The following DRAXIN variants were observed in gnomAD, a reference collection of about 807,000 sequenced individuals.
DRAXIN encodes dorsal inhibitory axon guidance protein.
In DRAXIN, 27 loss-of-function variants were observed where a neutral mutation model predicts 33.9. The ratio of observed to expected loss-of-function variants is 0.80; its 90% CI spans 0.59 to 1.10. The LOEUF (loss-of-function observed/expected upper bound fraction) is 1.10. Among genes scored for constraint, DRAXIN ranks in the 50% least tolerant of loss-of-function variants. The pLI is 0.00. For synonymous variants in DRAXIN, 178 were observed against 194.0 expected, an observed-to-expected ratio of 0.92 and a Z score of 0.69; for missense variants, 371 against 460.8, an observed-to-expected ratio of 0.81 and a Z score of 1.78.
At chr1:11,712,319 G>A (rs770637227) in intron 4 of DRAXIN, 21 bp from the exon 5 acceptor site, 6 of 1,613,794 alleles carry the variant, frequency 3.7e-6, no homozygotes, top group Middle Eastern at 3.3e-4. Flanking sequence ...AGCTTCTGAC[G>A]ACAGATCTTC....
At chr1:11,712,037 GC>G (rs1641502474) in intron 4 of DRAXIN, 72 bp downstream of exon 4, 2 of 1,368,924 alleles carry the variant, frequency 1.5e-6, no homozygotes, top group South Asian at 1.2e-5. Context: ...TGAGGTGGGG[GC>G]CCCAGTGAGC....
At chr1:11,718,905 TTTGTTTG>T (rs1641619374) in intron 6 of DRAXIN, among the ~76,000 whole-genome samples, 2 of 152,214 alleles carry the variant, frequency 1.3e-5, no homozygotes, top group Admixed American at 6.5e-5. Context: ...TGTTTGTTTG[TTTGTTTG>T]TTTTCTGAGA....
upstream of DRAXIN, among the ~76,000 whole-genome samples, chr1:11,690,638 C>T (rs535373028): frequency 6.6e-6 from 1 of 152,312 alleles, no homozygotes; most frequent in East Asian, 1.9e-4. The surrounding 1 kb of genome is among the most constrained non-coding windows in gnomAD (Gnocchi z 4.2). Context: ...AAATGGAAGC[C>T]ACCTGGCGAG....
At chr1:11,707,013 A>G (rs955464715) in intron 2 of DRAXIN, among the ~76,000 whole-genome samples, 59 of 152,196 alleles carry the variant, frequency 3.9e-4, no homozygotes, top group Admixed American at 1.1e-3. Flanking sequence ...GGAGATCGAG[A>G]CCACGGTGAA....
At chr1:11,700,743 C>T (rs1415918713) in intron 1 of DRAXIN, among the ~76,000 whole-genome samples, 1 of 152,146 alleles carries the variant, frequency 6.6e-6, no homozygotes, top group East Asian at 1.9e-4. Flanking sequence ...ACATCATAAT[C>T]CTTCCGCACC....
intron 6 of DRAXIN, among the ~76,000 whole-genome samples, chr1:11,716,882 T>C (rs1435261822): frequency 6.6e-6 from 1 of 152,216 alleles, no homozygotes; most frequent in Non-Finnish European, 1.5e-5. Flanking sequence ...CTCTGGACAC[T>C]GGGGGGTTCA....
At chr1:11,703,200 C>G (rs773188152) in intron 1 of DRAXIN, among the ~76,000 whole-genome samples, 6 of 152,180 alleles carry the variant, frequency 3.9e-5, no homozygotes, top group Non-Finnish European at 1.5e-5. Context: ...AAAAACCTGA[C>G]GGTCCCAGCA....
intron 1 of DRAXIN, among the ~76,000 whole-genome samples, chr1:11,700,161 C>T (rs1464146535): frequency 7.0e-6 from 1 of 142,006 alleles, no homozygotes; most frequent in East Asian, 2.2e-4. Flanking sequence ...ACACGGGAGA[C>T]GGAGGTTGCA....
At chr1:11,717,847 T>G (rs1178960785) in intron 6 of DRAXIN, among the ~76,000 whole-genome samples, 1 of 142,674 alleles carries the variant, frequency 7.0e-6, no homozygotes, top group Non-Finnish European at 1.5e-5. Flanking sequence ...AAAAAAAAAT[T>G]AGCCGGGTGT....
In DRAXIN at chr1:11,715,957, C is replaced by A. The variant is rs979012880; in HGVS notation, c.937+749C>A. ...CAGTTTTGGCTCACTGCAACCTCTG[C>A]TTCCCAGGCTTAGGTGATCCTCCCA... On this transcript the variant is annotated intron_variant, in intron 6 of 6. Transcript: ENST00000294485. Among the ~76,000 whole-genome samples, 9 of 152,212 alleles carry A rather than the reference C, an allele frequency of 5.9e-5. No individual in the cohort carries two copies. In the South Asian group the frequency reaches 1.9e-3, roughly 32 times the overall value.
At chr1:11,711,407 C>T (rs1279098461) in intron 3 of DRAXIN, among the ~76,000 whole-genome samples, 1 of 152,212 alleles carries the variant, frequency 6.6e-6, no homozygotes, top group Non-Finnish European at 1.5e-5. Context: ...GTGAGTGGGA[C>T]TGAGCCCTGG....
chr1:11,697,402 A>G (rs1391539455), intron 1 of DRAXIN, among the ~76,000 whole-genome samples: 1 of 152,202 alleles, frequency 6.6e-6, no homozygotes, highest in Non-Finnish European at 1.5e-5. Context: ...TGCCTCTCCT[A>G]TCAGATTGGC....
At chr1:11,690,856 G>A (rs529107621), upstream of DRAXIN, among the ~76,000 whole-genome samples, 1 of 152,312 alleles carries the variant, frequency 6.6e-6, no homozygotes, top group Non-Finnish European at 1.5e-5. The surrounding 1 kb of genome is among the most constrained non-coding windows in gnomAD (Gnocchi z 4.2). Context: ...CGCTGGCTTT[G>A]TCCGGGTTGG....
chr1:11,714,160 G>A (rs566157646), intron 5 of DRAXIN, among the ~76,000 whole-genome samples: 1 of 149,412 alleles, frequency 6.7e-6, no homozygotes, highest in Admixed American at 6.6e-5. Flanking sequence ...AGATATGATC[G>A]CACCACTGTA....
At chr1:11,693,441 T>C (rs1641135476) in intron 1 of DRAXIN, among the ~76,000 whole-genome samples, 1 of 152,034 alleles carries the variant, frequency 6.6e-6, no homozygotes, top group African/African-American at 2.4e-5. Context: ...TAGGTGGTCA[T>C]AACATGTGAC....
intron 1 of DRAXIN, among the ~76,000 whole-genome samples, chr1:11,701,491 G>T (rs1020110869): frequency 3.9e-5 from 6 of 152,224 alleles, no homozygotes; most frequent in Non-Finnish European, 2.9e-5. Flanking sequence ...ACAGCTGCTC[G>T]GGGACAGCAG....
Position 11,694,090 on chromosome 1 carries a change from C to T in DRAXIN, c.-11+2237C>T, listed in dbSNP as rs564919499. Among the ~76,000 whole-genome samples the T allele has an allele frequency of 4.6e-5, 7 of 152,242 alleles. No individual in the cohort carries two copies. The East Asian group carries it at 5.8e-4, about 13-fold the overall frequency. On this transcript the variant is annotated intron_variant, in intron 1 of 6. Coordinates refer to ENST00000294485, the MANE Select transcript of DRAXIN (RefSeq NM_198545.4). This position sits in a 1 kb window ranked among gnomAD's most constrained non-coding sequence, Gnocchi z 4.9. ...ATGTCCTCTCCTGTGGGAAGCACCC[C>T]GGCACTCCCTTGCCTCCCTAGCTCT...
At position 11,725,117 on chromosome 1, in the gene DRAXIN, C is replaced by G. The variant is rs543229156; in HGVS notation, c.*5421C>G. On this transcript the variant is annotated 3_prime_UTR_variant, in exon 7 of 7. Coordinates refer to ENST00000294485, the MANE Select transcript of DRAXIN (RefSeq NM_198545.4). ...TGGGAGCTTGGTAGAAATGCAGAAT[C>G]TTAGCCTAGGCAACATAGGGAGACC... 13 of 152,234 alleles carry G rather than the reference C, an allele frequency of 8.5e-5. No homozygotes were observed. Among genetic ancestry groups the G allele is most frequent in the African/African-American group, 3.1e-4 (13 of 41,520 alleles). The allele number at this position is 152,234 out of a possible 1,614,324, so 9.4% of individuals were successfully genotyped here. A position where few individuals can be genotyped will look rare whatever the true frequency, so the allele number is the denominator to read the frequency against.
chr1:11,711,911 T>G lies in DRAXIN; in HGVS notation c.703T>G (p.Trp235Gly). 6.2e-7 allele frequency: 1 copy of G among 1,613,998 alleles called. No homozygotes were observed. The highest frequency in any genetic ancestry group is 8.5e-7 in the Non-Finnish European group (1 of 1,179,954). The change falls in exon 4 of 7, where the codon TGG becomes GGG. Residue 235 changes from tryptophan to glycine, a missense_variant. Trp to Gly is a radical substitution (Grantham distance 184). Transcript: ENST00000294485. ...MPTLDMALFD[W>G]TDYEDLKPDG... is the part of the protein sequence containing the mutation. ...CACGCTGGACATGGCCTTGTTCGACTGGACCGATTATGAAGACTTAAAACC... is the reference window on the plus strand; with the variant it reads ...CACGCTGGACATGGCCTTGTTCGACGGGACCGATTATGAAGACTTAAAACC...
Sources: allele counts gnomAD v4.1 joint callset (sites outside exome capture counted in the v4.1 genomes callset), GRCh38; gene constraint gnomAD v4.1.1; non-coding constraint Gnocchi (gnomAD v3.1); transcripts MANE v1.5; gene names NCBI Gene and HGNC (gene_info 2026-07-23, HGNC 2026-07-21).